Variants in TTC7A observed in about 807,000 individuals in gnomAD.
TTC7A encodes the protein tetratricopeptide repeat protein 7A.
A neutral mutation model predicts 103.7 loss-of-function variants in TTC7A; 110 were observed. The ratio of observed to expected loss-of-function variants is 1.06; its 90% CI spans 0.91 to 1.24. The LOEUF is 1.24. Ranked by LOEUF, TTC7A falls within the 50% of genes most tolerant of loss-of-function variation. TTC7A has a pLI of 0.00. For missense variants in TTC7A, 1,340 were observed against 1,116.3 expected (o/e 1.20, Z -2.86); for synonymous variants, 521 against 467.9 (o/e 1.11, Z -1.47).
chr2:47,021,624 C>A (rs1278124414), intron 11 of TTC7A, among the ~76,000 whole-genome samples: 3 of 152,228 alleles, frequency 2.0e-5, no homozygotes, highest in African/African-American at 7.2e-5. Flanking sequence ...CAGGCCCCTA[C>A]AGAGGCCATG....
At chr2:46,997,065 G>C (rs1676278376) in intron 8 of TTC7A, among the ~76,000 whole-genome samples, 1 of 152,064 alleles carries the variant, frequency 6.6e-6, no homozygotes, top group African/African-American at 2.4e-5. Context: ...TGCAACCTCT[G>C]TCTCCCAGGT....
chr2:46,935,908 T>C (rs1008881847), intron 2 of TTC7A, among the ~76,000 whole-genome samples: 2 of 152,118 alleles, frequency 1.3e-5, no homozygotes, highest in African/African-American at 4.8e-5. Flanking sequence ...CTGGGCAACA[T>C]AGCAAGATTC....
chr2:47,034,832 T>C (rs2104626238), intron 15 of TTC7A, among the ~76,000 whole-genome samples: 1 of 152,234 alleles, frequency 6.6e-6, no homozygotes, highest in Admixed American at 6.5e-5. Flanking sequence ...TGGAAAGTCC[T>C]GGGGGAAGCT....
chr2:47,011,441 T>A lies in TTC7A; in HGVS notation c.1392+6T>A. On this transcript the variant is annotated splice_donor_region_variant and intron_variant, in intron 11 of 19. Transcript: ENST00000319190. ...GCATCGGGTCCCTTCGCTGGGTGAG[T>A]GAGCTGTGAGGGCAGGTCCCAGAGG... is the stretch of plus-strand genomic sequence containing the variant. 6.2e-7 allele frequency: 1 copy of A among 1,601,184 alleles called. No homozygotes were observed. Among genetic ancestry groups the A allele is most frequent in the Non-Finnish European group, 8.5e-7 (1 of 1,178,024 alleles).
At chr2:46,950,318 G>A (rs200080867) in intron 1 of TTC7A, 45 bp from the exon 2 acceptor site, 20 of 1,608,656 alleles carry the variant, frequency 1.2e-5, no homozygotes, top group South Asian at 2.2e-5. Flanking sequence ...TCCATTATCC[G>A]CCTTGTTCGG....
upstream of TTC7A, among the ~76,000 whole-genome samples, chr2:46,936,722 G>A (rs560134818): frequency 2.0e-3 from 300 of 152,202 alleles, 9 homozygotes; most frequent in Middle Eastern, 3.4e-3. Flanking sequence ...TTAGAATTGC[G>A]GTAGCCACTA....
intron 15 of TTC7A, among the ~76,000 whole-genome samples, chr2:47,041,958 A>C (rs1203039638): frequency 2.0e-5 from 3 of 152,170 alleles, no homozygotes; most frequent in Non-Finnish European, 4.4e-5. Flanking sequence ...TATGCACAGA[A>C]GTCCCACCAA....
At chr2:46,969,631 G>T (rs942189090) in intron 3 of TTC7A, among the ~76,000 whole-genome samples, 1 of 151,934 alleles carries the variant, frequency 6.6e-6, no homozygotes, top group East Asian at 2.0e-4. Flanking sequence ...GGCCAGGATG[G>T]TCTCAATCTG....
chr2:47,020,431 G>A (rs990478236), intron 11 of TTC7A, among the ~76,000 whole-genome samples: 3 of 152,176 alleles, frequency 2.0e-5, no homozygotes, highest in Non-Finnish European at 4.4e-5. Context: ...GGGTTTCCCC[G>A]ACTATGGCCT....
chr2:47,074,304 C>A lies in TTC7A; in HGVS notation c.*381C>A. 1 of 203,722 alleles carries A rather than the reference C, an allele frequency of 4.9e-6. No individual in the cohort carries two copies. Among genetic ancestry groups the A allele is most frequent in the Non-Finnish European group, 9.9e-6 (1 of 100,804 alleles). 12.6% of individuals were successfully genotyped at this position (203,722 alleles called of 1,614,324 possible). ...CAGCACAGTACAGACTTCTGGATCTCTCTCAGGTCTTGCCCAGGGCGGTCA... is the reference window on the plus strand; with the variant it reads ...CAGCACAGTACAGACTTCTGGATCTATCTCAGGTCTTGCCCAGGGCGGTCA... On this transcript the variant is annotated 3_prime_UTR_variant, in exon 20 of 20. Coordinates refer to ENST00000319190, the MANE Select transcript of TTC7A (RefSeq NM_020458.4).
At chr2:47,056,872 G>A (rs1440663652) in intron 18 of TTC7A, among the ~76,000 whole-genome samples, 3 of 151,430 alleles carry the variant, frequency 2.0e-5, no homozygotes, top group Admixed American at 2.0e-4. Context: ...GACGCTGAGG[G>A]TGCAGCAGGG....
intron 15 of TTC7A, chr2:47,034,516 C>G (rs980547966): frequency 1.3e-5 from 2 of 152,194 alleles, no homozygotes; most frequent in East Asian, 3.9e-4. Context: ...TTTTAGGTAA[C>G]AAATTCCTTG....
intron 11 of TTC7A, among the ~76,000 whole-genome samples, chr2:47,021,120 T>C (rs1679233047): frequency 6.6e-6 from 1 of 152,202 alleles, no homozygotes; most frequent in South Asian, 2.1e-4. Context: ...TTCAATGACA[T>C]GAACTTGGGC....
intron 4 of TTC7A, among the ~76,000 whole-genome samples, chr2:46,978,438 T>C (rs1047613458): frequency 6.6e-6 from 1 of 152,076 alleles, no homozygotes; most frequent in Admixed American, 6.5e-5. Context: ...GTTGAATGAA[T>C]GTTAGGGGCT....
chr2:47,051,463 G>A (rs935186362), intron 17 of TTC7A, among the ~76,000 whole-genome samples: 5 of 152,280 alleles, frequency 3.3e-5, no homozygotes, highest in African/African-American at 9.6e-5. Flanking sequence ...TTGTGTTCAC[G>A]TAAAGAGCAT....
At chr2:46,991,547 G>T (rs1341521599) in intron 5 of TTC7A, among the ~76,000 whole-genome samples, 1 of 152,086 alleles carries the variant, frequency 6.6e-6, no homozygotes, top group East Asian at 1.9e-4. Context: ...TAAGTGATGT[G>T]CACACTAACT....
chr2:46,956,126 C>T (rs1030682931), intron 2 of TTC7A, among the ~76,000 whole-genome samples: 3 of 152,188 alleles, frequency 2.0e-5, no homozygotes, highest in African/African-American at 4.8e-5. Flanking sequence ...CCACTGCAGG[C>T]CCTAAGGGAG....
At chr2:47,049,221 G>A in intron 16 of TTC7A, among the ~76,000 whole-genome samples, 1 of 152,158 alleles carries the variant, frequency 6.6e-6, no homozygotes, top group East Asian at 1.9e-4. Context: ...GTCAAAGGTT[G>A]TGGGCTTCCT....
intron 4 of TTC7A, 52 bp downstream of exon 4, chr2:46,975,155 G>A: frequency 6.2e-7 from 1 of 1,605,566 alleles, no homozygotes; most frequent in South Asian, 1.1e-5. Flanking sequence ...GAGCACCTAT[G>A]TCTATGGATC....
Sources: gnomAD v4.1 joint callset for allele counts (sites outside exome capture counted in the v4.1 genomes callset) on GRCh38, gnomAD v4.1.1 for gene constraint, MANE v1.5 for transcripts, NCBI Gene and HGNC (gene_info 2026-07-23, HGNC 2026-07-21) for gene names.